The following FOXO3 variants were observed in gnomAD, a reference collection of about 807,000 sequenced individuals.
FOXO3 encodes forkhead box O3, also known as forkhead box protein O3.
Under a neutral mutation model 41.9 loss-of-function variants are expected in FOXO3, and 4 were observed. The ratio of observed to expected loss-of-function variants is 0.10; its 90% CI spans 0.05 to 0.22. The LOEUF is 0.22. Among genes scored for constraint, FOXO3 ranks in the 10% least tolerant of loss-of-function variants. The probability of loss-of-function intolerance (pLI) is 1.00; values close to 1 mark genes in which losing one functional copy is unlikely to be tolerated. For synonymous variants in FOXO3, 318 were observed against 389.3 expected, an observed-to-expected ratio of 0.82 and a Z score of 2.16; for missense variants, 534 against 906.8, an observed-to-expected ratio of 0.59 and a Z score of 5.28.
At chr6:108,617,629 T>TTTTG (rs1046204992) in intron 1 of FOXO3, among the ~76,000 whole-genome samples, 16 of 152,196 alleles carry the variant, frequency 1.1e-4, no homozygotes, top group South Asian at 2.1e-4. Context: ...TTTATGGGTT[T>TTTTG]TTTGTTTGTT....
At chr6:108,609,674 A>T (rs1352324157) in intron 1 of FOXO3, among the ~76,000 whole-genome samples, 1 of 152,178 alleles carries the variant, frequency 6.6e-6, no homozygotes, top group Non-Finnish European at 1.5e-5. Flanking sequence ...TTTAAGGCTA[A>T]GGTATTTGTG....
At chr6:108,618,824 C>T (rs892379916) in intron 1 of FOXO3, among the ~76,000 whole-genome samples, 23 of 152,186 alleles carry the variant, frequency 1.5e-4, no homozygotes, top group African/African-American at 5.3e-4. Flanking sequence ...CTCTCTTCTC[C>T]TGGGTGTTCT....
At chr6:108,594,508 A>G (rs1285480509) in intron 1 of FOXO3, among the ~76,000 whole-genome samples, 2 of 152,166 alleles carry the variant, frequency 1.3e-5, no homozygotes, top group Non-Finnish European at 2.9e-5. Context: ...GGTCAGAGGC[A>G]TGCAGCATTT....
upstream of FOXO3, chr6:108,560,816 C>G (rs1448431608): frequency 4.5e-6 from 2 of 441,550 alleles, no homozygotes; most frequent in Admixed American, 4.8e-5. Flanking sequence ...GCCCCGCCGC[C>G]TAGCCCGGGA....
intron 2 of FOXO3, among the ~76,000 whole-genome samples, chr6:108,675,652 G>C (rs912193709): frequency 1.3e-5 from 2 of 152,198 alleles, no homozygotes; most frequent in Non-Finnish European, 2.9e-5. Context: ...AGTGAGGAAA[G>C]TGGTGTTTCA....
At chr6:108,627,517 C>T (rs1777844117) in intron 1 of FOXO3, among the ~76,000 whole-genome samples, 1 of 151,798 alleles carries the variant, frequency 6.6e-6, no homozygotes, top group Non-Finnish European at 1.5e-5. Flanking sequence ...GGAGAAGTAA[C>T]ACAGAAAAAA....
intron 1 of FOXO3, among the ~76,000 whole-genome samples, chr6:108,604,822 C>T (rs537054442): frequency 5.7e-4 from 86 of 152,156 alleles, no homozygotes; most frequent in African/African-American, 1.6e-3. Flanking sequence ...GATGCCTTCA[C>T]GTGGGGCATC....
intron 1 of FOXO3, among the ~76,000 whole-genome samples, chr6:108,578,629 T>C (rs1776325604): frequency 1.3e-5 from 2 of 152,236 alleles, no homozygotes; most frequent in Non-Finnish European, 2.9e-5. Flanking sequence ...TTCATGTTTT[T>C]TTTTGTGTGT....
At chr6:108,647,691 C>G (rs193123114) in intron 1 of FOXO3, among the ~76,000 whole-genome samples, 2 of 152,214 alleles carry the variant, frequency 1.3e-5, no homozygotes, top group African/African-American at 2.4e-5. Flanking sequence ...GAATATACCC[C>G]CTCCTTTTGC....
At position 108,561,077 on chromosome 6, in the gene FOXO3, C is replaced by T. The variant is rs1447568255; in HGVS notation, c.-132C>T. On this transcript the variant is annotated 5_prime_UTR_variant, in exon 1 of 3. Transcript: ENST00000406360. ...AACTCTCCTTCTCTCTTCTTTGGTG[C>T]TTCCCCAGGCGGCGGCGGCGGCGCC... 3.5e-6 allele frequency: 5 copies of T among 1,429,152 alleles called. No individual in the cohort carries two copies. The South Asian group carries it at 4.3e-5, about 12-fold the overall frequency. The allele number at this position is 1,429,152 out of a possible 1,614,324, so 88.5% of individuals were successfully genotyped here.
intron 1 of FOXO3, among the ~76,000 whole-genome samples, chr6:108,595,304 A>G (rs1477007613): frequency 2.0e-5 from 3 of 152,196 alleles, no homozygotes; most frequent in African/African-American, 7.2e-5. Context: ...AGGAGGAGGT[A>G]GAGAGAAAAA....
At chr6:108,607,733 T>G (rs1777247382) in intron 1 of FOXO3, among the ~76,000 whole-genome samples, 1 of 152,190 alleles carries the variant, frequency 6.6e-6, no homozygotes, top group African/African-American at 2.4e-5. Context: ...ACTTGCAGAT[T>G]ATATTCTTTG....
chr6:108,561,398 G>A lies in FOXO3; in HGVS notation c.190G>A (p.Glu64Lys). The A allele has an allele frequency of 6.5e-7, 1 of 1,549,776 alleles. No individual in the cohort carries two copies. Among genetic ancestry groups the A allele is most frequent in the Non-Finnish European group, 8.7e-7 (1 of 1,149,616 alleles). ...DSMIPEEEDD[E>K]DDEDGGGRAG... is the part of the protein sequence containing the mutation. ...CATGATCCCCGAGGAGGAGGACGATGAAGACGACGAGGACGGCGGGGGACG... is the reference window on the plus strand; with the variant it reads ...CATGATCCCCGAGGAGGAGGACGATAAAGACGACGAGGACGGCGGGGGACG... The change falls in exon 1 of 3, where the codon GAA becomes AAA. Residue 64 changes from glutamate to lysine, a missense_variant. Glu to Lys is a moderately conservative substitution (Grantham distance 56, BLOSUM62 1). This residue lies in a region of FOXO3 where 139 missense variants were observed against 163.7 expected (regional missense o/e 0.85). Transcript: ENST00000406360.
intron 1 of FOXO3, among the ~76,000 whole-genome samples, chr6:108,623,913 A>G (rs1163855731): frequency 6.6e-6 from 1 of 152,228 alleles, no homozygotes; most frequent in African/African-American, 2.4e-5. Context: ...TGTTTGTTAA[A>G]TGGACTTCGA....
intron 1 of FOXO3, among the ~76,000 whole-genome samples, chr6:108,649,402 T>C (rs1778486567): frequency 6.6e-6 from 1 of 152,078 alleles, no homozygotes; most frequent in Non-Finnish European, 1.5e-5. Context: ...AGTACTTTGC[T>C]TGACAAAGCA....
intron 1 of FOXO3, among the ~76,000 whole-genome samples, chr6:108,640,804 A>C (rs776389598): frequency 1.2e-4 from 19 of 152,106 alleles, no homozygotes; most frequent in Non-Finnish European, 2.4e-4. Context: ...AAGTTAATGG[A>C]TCCTATTCAT....
intron 1 of FOXO3, among the ~76,000 whole-genome samples, chr6:108,635,640 T>C (rs890411720): frequency 6.6e-6 from 1 of 152,186 alleles, no homozygotes; most frequent in Non-Finnish European, 1.5e-5. Context: ...CTTGCCTTTC[T>C]GCTAGAGAGG....
chr6:108,684,635 C>T lies in FOXO3; in HGVS notation c.*4843C>T, dbSNP rs1770994605. On this transcript the variant is annotated 3_prime_UTR_variant, in exon 3 of 3. Transcript: ENST00000406360. The stretch of plus-strand genomic sequence containing the variant: ...GTTTGATTTGGGAATCTTCCCCTTT[C>T]CAAATGAAATAGAGATGCAGTACTT... The T allele has an allele frequency of 1.3e-5, 2 of 152,746 alleles. No homozygotes were observed. Among genetic ancestry groups the T allele is most frequent in the South Asian group, 4.1e-4 (2 of 4,826 alleles). 9.5% of individuals were successfully genotyped at this position (152,746 alleles called of 1,614,324 possible).
intron 1 of FOXO3, among the ~76,000 whole-genome samples, chr6:108,562,829 C>T (rs971459177): frequency 3.3e-5 from 5 of 152,216 alleles, no homozygotes; most frequent in Admixed American, 3.3e-4. Flanking sequence ...AAGAGATTAA[C>T]TCCTCTGCCC....
Sources: gnomAD v4.1 joint callset for allele counts (sites outside exome capture counted in the v4.1 genomes callset) on GRCh38, gnomAD v4.1.1 for gene constraint, gnomAD v4.1.1 regional missense constraint, MANE v1.5 for transcripts, NCBI Gene and HGNC (gene_info 2026-07-23, HGNC 2026-07-21) for gene names.